GRM5: variants seen among roughly 807,000 people sequenced by gnomAD.
The protein encoded by GRM5 is glutamate metabotropic receptor 5.
Under a neutral mutation model 83.1 loss-of-function variants are expected in GRM5, and 19 were observed. The ratio of observed to expected loss-of-function variants is 0.23; its 90% CI spans 0.16 to 0.34. The LOEUF is 0.34. Ranked by LOEUF, GRM5 falls within the 10% of genes least tolerant of loss-of-function variation. The pLI is 1.00. For synonymous variants in GRM5, 675 were observed against 633.6 expected, an observed-to-expected ratio of 1.07 and a Z score of -0.98; for missense variants, 1,160 against 1,588.3, an observed-to-expected ratio of 0.73 and a Z score of 4.58.
intron 3 of GRM5, among the ~76,000 whole-genome samples, chr11:88,781,918 T>G (rs1205152649): frequency 6.6e-6 from 1 of 152,152 alleles, no homozygotes; most frequent in Admixed American, 6.6e-5. Flanking sequence ...GAGAATCACA[T>G]TAACACAGTA....
chr11:89,018,055 A>T (rs1257326803), intron 2 of GRM5, among the ~76,000 whole-genome samples: 2 of 152,162 alleles, frequency 1.3e-5, no homozygotes, highest in Admixed American at 1.3e-4. Flanking sequence ...AAAATAGGAT[A>T]ATTTAAATTT....
chr11:88,766,214 T>C lies in GRM5; in HGVS notation c.911+83692A>G, dbSNP rs530527366. Among the ~76,000 whole-genome samples the C allele has an allele frequency of 5.3e-5, 8 of 152,060 alleles. No homozygotes were observed. The South Asian group carries it at 8.3e-4, about 16-fold the overall frequency. ...ATGACTAGATAAAACTATTTTATAA[T>C]TTCTATGAAGCCACAAAGGAGCTCA... On this transcript the variant is annotated intron_variant, in intron 3 of 9. Transcript: ENST00000305447.
chr11:88,657,183 C>G (rs964619202), intron 3 of GRM5, among the ~76,000 whole-genome samples: 31 of 152,146 alleles, frequency 2.0e-4, no homozygotes, highest in Non-Finnish European at 8.8e-5. Flanking sequence ...CACGTTGTGA[C>G]TAAAGGCTCA....
At chr11:88,805,544 T>TA (rs1943485061) in intron 3 of GRM5, among the ~76,000 whole-genome samples, 1 of 116,322 alleles carries the variant, frequency 8.6e-6, no homozygotes, top group South Asian at 3.5e-4. Context: ...AATGTTGGTT[T>TA]CCAAAAAATA....
intron 8 of GRM5, among the ~76,000 whole-genome samples, 154 bp from the exon 9 acceptor site, chr11:88,525,558 T>C (rs1373254147): frequency 6.6e-6 from 1 of 152,304 alleles, no homozygotes; most frequent in Middle Eastern, 3.4e-3. Flanking sequence ...GTGATACTTA[T>C]TAGATGAATG....
chr11:88,902,629 A>G (rs1945330220), intron 2 of GRM5, among the ~76,000 whole-genome samples: 1 of 152,096 alleles, frequency 6.6e-6, no homozygotes, highest in Admixed American at 6.6e-5. Flanking sequence ...AAAGGGAGAA[A>G]GACACCAAAC....
At chr11:88,942,151 G>A (rs1299033937) in intron 2 of GRM5, among the ~76,000 whole-genome samples, 1 of 152,058 alleles carries the variant, frequency 6.6e-6, no homozygotes, top group East Asian at 1.9e-4. Flanking sequence ...TATAATGATA[G>A]TAAATTAATG....
chr11:88,733,808 A>T lies in GRM5; in HGVS notation c.912-80405T>A, dbSNP rs553590310. Among the ~76,000 whole-genome samples the T allele has an allele frequency of 2.0e-5, 3 of 152,100 alleles. No homozygotes were observed. In the South Asian group the frequency reaches 6.2e-4, roughly 32 times the overall value. On this transcript the variant is annotated intron_variant, in intron 3 of 9. Coordinates refer to ENST00000305447, the MANE Select transcript of GRM5 (RefSeq NM_001143831.3). ...TTTATTGTCCTAGGGGAGTGCAAGG[A>T]CATTAATAAACTTTAGAGAAAGGCA...
chr11:89,036,326 T>G (rs2135132740), intron 2 of GRM5, among the ~76,000 whole-genome samples: 1 of 152,162 alleles, frequency 6.6e-6, no homozygotes, highest in East Asian at 1.9e-4. Context: ...AAAGTGAAAA[T>G]TAGTAAGAGT....
intron 4 of GRM5, among the ~76,000 whole-genome samples, chr11:88,652,534 C>T (rs1048179469): frequency 5.1e-4 from 77 of 151,962 alleles, no homozygotes; most frequent in Non-Finnish European, 5.7e-4. Context: ...AGATAGTAAA[C>T]CTTTGAGGGC....
At chr11:88,902,950 CAAAAAAAAAAAAAAA>C (rs201996144) in intron 2 of GRM5, among the ~76,000 whole-genome samples, 35,211 of 62,234 alleles carry the variant, frequency 0.57, 5,708 homozygotes, top group Non-Finnish European at 0.59. Context: ...GACTCCATCT[CAAAAAAAAAAAAAAA>C]AAAAAAAAAA....
At chr11:88,525,614 T>C (rs560645552) in intron 8 of GRM5, among the ~76,000 whole-genome samples, 2 of 152,344 alleles carry the variant, frequency 1.3e-5, no homozygotes, top group East Asian at 3.9e-4. Flanking sequence ...TACTTTTTGG[T>C]TAAACCACAT....
intron 2 of GRM5, among the ~76,000 whole-genome samples, chr11:88,992,989 C>T (rs1487394378): frequency 6.6e-6 from 1 of 151,272 alleles, no homozygotes; most frequent in East Asian, 1.9e-4. Context: ...ACGTTGTGCA[C>T]ATGTACCCTA....
Position 88,626,277 on chromosome 11 carries a change from G to A in GRM5, c.1148-21313C>T, listed in dbSNP as rs532574281. Among the ~76,000 whole-genome samples, 155 of 152,220 alleles carry A rather than the reference G, an allele frequency of 1.0e-3. No homozygotes were observed. The Middle Eastern group carries it at 0.01, about 10-fold the overall frequency. ...TTTAGACCATAAAACATTCTTAAAC[G>A]TTGCTTTTATATTTTGCTAGAATTT... On this transcript the variant is annotated intron_variant, in intron 4 of 9. Coordinates refer to ENST00000305447, the MANE Select transcript of GRM5 (RefSeq NM_001143831.3).
At chr11:88,677,422 A>G (rs977267888) in intron 3 of GRM5, among the ~76,000 whole-genome samples, 4 of 152,138 alleles carry the variant, frequency 2.6e-5, no homozygotes, top group Admixed American at 2.6e-4. Context: ...CCTACTCAGA[A>G]CATTTCCTGG....
chr11:88,993,006 A>G (rs1455193999), intron 2 of GRM5, among the ~76,000 whole-genome samples: 3 of 151,310 alleles, frequency 2.0e-5, no homozygotes, highest in African/African-American at 7.3e-5. Flanking sequence ...CCTAGAACTT[A>G]AAGTATAATA....
chr11:88,726,390 G>A (rs1262128639), intron 3 of GRM5, among the ~76,000 whole-genome samples: 1 of 152,154 alleles, frequency 6.6e-6, no homozygotes, highest in Non-Finnish European at 1.5e-5. Context: ...GGGACTATGT[G>A]AAAAGACCAA....
intron 7 of GRM5, among the ~76,000 whole-genome samples, chr11:88,570,571 A>ATATATATATATATATATATTTT (rs1405339448): frequency 1.1e-4 from 5 of 46,376 alleles, no homozygotes; most frequent in Non-Finnish European, 1.4e-4. Context: ...ATATATATAT[A>ATATATATATATATATATATTTT]TTTTTTTTTT....
intron 3 of GRM5, among the ~76,000 whole-genome samples, chr11:88,714,211 A>G (rs1941349109): frequency 6.6e-6 from 1 of 152,056 alleles, no homozygotes; most frequent in Admixed American, 6.6e-5. Context: ...AACAGGCTAC[A>G]GTAGGCTGTG....
Sources: gnomAD v4.1 joint callset for allele counts (sites outside exome capture counted in the v4.1 genomes callset) on GRCh38, gnomAD v4.1.1 for gene constraint, MANE v1.5 for transcripts, NCBI Gene and HGNC (gene_info 2026-07-23, HGNC 2026-07-21) for gene names.